Variants in HHIPL1 observed in about 807,000 individuals in gnomAD.
The protein encoded by HHIPL1 is HHIP-like protein 1.
A neutral mutation model predicts 61.8 loss-of-function variants in HHIPL1; 43 were observed. That is an observed-to-expected ratio of 0.70 (90% CI 0.55 to 0.90). The LOEUF is 0.90. Ranked by LOEUF, HHIPL1 falls within the 40% of genes least tolerant of loss-of-function variation. The pLI is 0.00. For synonymous variants in HHIPL1, 482 were observed against 515.8 expected, an observed-to-expected ratio of 0.93 and a Z score of 0.89; for missense variants, 1,056 against 1,157.7, an observed-to-expected ratio of 0.91 and a Z score of 1.28.
chr14:99,634,995 A>T, the HHIPL1 span, among the ~76,000 whole-genome samples: 1 of 151,692 alleles, frequency 6.6e-6, no homozygotes, highest in East Asian at 1.9e-4. Context: ...TTGTGTCCCT[A>T]CCCCCAGTCA....
At chr14:99,619,461 CAA>C in the HHIPL1 span, among the ~76,000 whole-genome samples, 22,047 of 106,484 alleles carry the variant, frequency 0.21, 2,108 homozygotes, top group Admixed American at 0.39. Flanking sequence ...GACTCCATCT[CAA>C]AAAAAAAAAA....
the HHIPL1 span, among the ~76,000 whole-genome samples, chr14:99,639,930 G>C: frequency 2.0e-5 from 3 of 152,298 alleles, no homozygotes; most frequent in Admixed American, 2.0e-4. Context: ...AAAGTGCTAG[G>C]ATTACAGACG....
intron 1 of HHIPL1, 21 bp downstream of exon 1, chr14:99,645,483 C>T (rs1595144100): frequency 1.6e-6 from 2 of 1,264,178 alleles, no homozygotes; most frequent in East Asian, 3.3e-5. Context: ...GCGCGGCCAC[C>T]GGGCGGGGCG....
At chr14:99,618,231 G>A in the HHIPL1 span, among the ~76,000 whole-genome samples, 2 of 152,200 alleles carry the variant, frequency 1.3e-5, no homozygotes, top group South Asian at 2.1e-4. Flanking sequence ...CACCAACTGG[G>A]GCTGCACAAG....
chr14:99,651,274 CACAAAACAAA>C (rs142413620), intron 1 of HHIPL1, among the ~76,000 whole-genome samples: 1 of 151,548 alleles, frequency 6.6e-6, no homozygotes, highest in Admixed American at 6.6e-5. Flanking sequence ...AACGGACAAA[CACAAAACAAA>C]ACAAAACAAA....
rs759635561 is a variant in HHIPL1, at chr14:99,652,338, G to A, written c.370G>A (p.Gly124Arg). 7 of 1,614,044 alleles carry A rather than the reference G, an allele frequency of 4.3e-6. No homozygotes were observed. In the African/African-American group the frequency reaches 8.0e-5, roughly 18 times the overall value. ...YCLDMWHKCR[G>R]LFRHLSTDQE... ...CCTGGACATGTGGCATAAGTGCCGG[G>A]GGCTGTTCCGTCACCTGTCAACTGA... Residue 124 changes from glycine (G) to arginine (R), a missense_variant, in exon 2 of 9, where the codon GGG (glycine) becomes AGG (arginine). Physicochemically the swap from Gly to Arg is moderately radical, Grantham distance 125. Coordinates refer to ENST00000330710, the MANE Select transcript of HHIPL1 (RefSeq NM_001127258.3).
chr14:99,615,882 G>A, the HHIPL1 span, among the ~76,000 whole-genome samples: 1 of 152,156 alleles, frequency 6.6e-6, no homozygotes, highest in Non-Finnish European at 1.5e-5. Flanking sequence ...GTGCTTGGCT[G>A]TTTGGAGAGG....
intron 1 of HHIPL1, among the ~76,000 whole-genome samples, chr14:99,648,657 A>G (rs2055879030): frequency 6.6e-6 from 1 of 152,154 alleles, no homozygotes; most frequent in South Asian, 2.1e-4. Flanking sequence ...TGTCTGAGAT[A>G]TGGACAGAGT....
intron 6 of HHIPL1, among the ~76,000 whole-genome samples, chr14:99,664,904 A>ATTTTTTTTTCTTTTT (rs2056217018): frequency 7.5e-6 from 1 of 134,042 alleles, no homozygotes; most frequent in African/African-American, 3.2e-5. Flanking sequence ...GAAATTGTCC[A>ATTTTTTTTTCTTTTT]TTTTTTTTTT....
the HHIPL1 span, among the ~76,000 whole-genome samples, chr14:99,626,288 G>T: frequency 6.6e-6 from 1 of 151,786 alleles, no homozygotes; most frequent in Non-Finnish European, 1.5e-5. Flanking sequence ...GTGTGTGTGT[G>T]TGTATGCATG....
chr14:99,635,082 T>G, the HHIPL1 span, among the ~76,000 whole-genome samples: 1 of 150,800 alleles, frequency 6.6e-6, no homozygotes. Context: ...AAGGATCTAG[T>G]GGGTTTGGGG....
At chr14:99,663,104 G>A in intron 6 of HHIPL1, 83 bp downstream of exon 6, 2 of 1,346,356 alleles carry the variant, frequency 1.5e-6, no homozygotes, top group Non-Finnish European at 2.0e-6. Context: ...GGTCTCTGAT[G>A]TAGGGGAAGG....
At position 99,675,509 on chromosome 14, in the gene HHIPL1, C is replaced by A. The variant is rs576533441; in HGVS notation, c.2232C>A (p.Arg744=). The change falls in exon 9 of 9, where the codon CGC becomes CGA. Residue 744 remains arginine (R), a synonymous_variant. Transcript: ENST00000330710. This position sits in a 1 kb window ranked among gnomAD's most constrained non-coding sequence, Gnocchi z 5.4. The stretch of plus-strand genomic sequence containing the variant: ...TGCCCATTCTGCTGGACGATGTGCG[C>A]TGCGCGGGCTGGGAGCGGAACCTGC... ...GSLPILLDDV[R]CAGWERNLLE... 130 of 1,542,932 alleles carry A rather than the reference C, an allele frequency of 8.4e-5. 1 individual carries two copies. The South Asian group carries it at 1.3e-3, about 16-fold the overall frequency.
chr14:99,648,522 C>G (rs1446044102), intron 1 of HHIPL1, among the ~76,000 whole-genome samples: 3 of 152,226 alleles, frequency 2.0e-5, no homozygotes, highest in Non-Finnish European at 4.4e-5. Flanking sequence ...GTGGAGTGGA[C>G]AGACATGCAA....
intron 2 of HHIPL1, among the ~76,000 whole-genome samples, chr14:99,655,419 C>T (rs2056012137): frequency 6.6e-6 from 1 of 152,000 alleles, no homozygotes; most frequent in African/African-American, 2.4e-5. Context: ...GACAGGAGTT[C>T]GAGACCAGCC....
Position 99,668,168 on chromosome 14 carries a change from G to T in HHIPL1, c.1649-54G>T. 1 of 1,105,932 alleles carries T rather than the reference G, an allele frequency of 9.0e-7. No homozygotes were observed. Among genetic ancestry groups the T allele is most frequent in the Non-Finnish European group, 1.4e-6 (1 of 716,984 alleles). 68.5% of individuals were successfully genotyped at this position (1,105,932 alleles called of 1,614,324 possible). On this transcript the variant is annotated intron_variant, in intron 6 of 8. Transcript: ENST00000330710. The surrounding 1 kb of genome is among the most constrained non-coding windows in gnomAD (Gnocchi z 4.7). ...GGAGCCGGGTGGTGAGGCGGGGCTG[G>T]CTGGGACGGTATTCCAGGTGGGGGT...
chr14:99,639,151 C>T, the HHIPL1 span, among the ~76,000 whole-genome samples: 19 of 152,336 alleles, frequency 1.2e-4, no homozygotes, highest in South Asian at 6.2e-4. Context: ...TGGTGGAGAC[C>T]GGGGAACCGG....
the HHIPL1 span, among the ~76,000 whole-genome samples, chr14:99,616,762 C>T: frequency 1.3e-5 from 2 of 151,854 alleles, no homozygotes; most frequent in African/African-American, 4.8e-5. Context: ...CCTCTCCTTG[C>T]GACAATGGAA....
At chr14:99,652,145 G>T in intron 1 of HHIPL1, 79 bp from the exon 2 acceptor site, 1 of 1,366,962 alleles carries the variant, frequency 7.3e-7, no homozygotes, top group East Asian at 2.3e-5. Flanking sequence ...GGCTCTGAGA[G>T]ATGGGGGACC....
Sources: gnomAD v4.1 joint callset for allele counts (sites outside exome capture counted in the v4.1 genomes callset) on GRCh38, gnomAD v4.1.1 for gene constraint, Gnocchi (gnomAD v3.1) non-coding constraint, MANE v1.5 for transcripts, NCBI Gene and HGNC (gene_info 2026-07-23, HGNC 2026-07-21) for gene names.